The following TET3 variants were observed in gnomAD, a reference collection of about 807,000 sequenced individuals.
TET3 encodes the protein methylcytosine dioxygenase TET3.
TET3 carries 19 observed loss-of-function variants against 141.4 expected under a neutral mutation model. That is an observed-to-expected ratio of 0.13 (90% CI 0.09 to 0.20). The LOEUF (loss-of-function observed/expected upper bound fraction) is 0.20. TET3 is among the 10% of genes least tolerant of loss of function. The probability of loss-of-function intolerance (pLI) is 1.00; values close to 1 mark genes in which losing one functional copy is unlikely to be tolerated. For synonymous variants in TET3, 1,043 were observed against 980.9 expected, an observed-to-expected ratio of 1.06 and a Z score of -1.18; for missense variants, 1,874 against 2,356.9, an observed-to-expected ratio of 0.80 and a Z score of 4.24.
the TET3 span, among the ~76,000 whole-genome samples, chr2:74,116,790 C>T: frequency 2.0e-5 from 3 of 151,136 alleles, no homozygotes; most frequent in Non-Finnish European, 4.4e-5. Flanking sequence ...TTAAAAAGAG[C>T]ATCTTGCCAG....
At chr2:74,010,751 CTCAT>C (rs1460095957) in intron 3 of TET3, among the ~76,000 whole-genome samples, 1 of 152,184 alleles carries the variant, frequency 6.6e-6, no homozygotes, top group Non-Finnish European at 1.5e-5. Flanking sequence ...GAAATTTTTT[CTCAT>C]TCACTGATAA....
chr2:74,089,761 T>A lies in TET3; in HGVS notation c.2889-136T>A, dbSNP rs1573897289. 4 of 1,159,352 alleles carry A rather than the reference T, an allele frequency of 3.5e-6. No homozygotes were observed. In the East Asian group the frequency reaches 9.6e-5, roughly 28 times the overall value. 71.8% of individuals were successfully genotyped at this position (1,159,352 alleles called of 1,614,324 possible). On this transcript the variant is annotated intron_variant, in intron 7 of 11. Transcript: ENST00000409262. ...GGAAACTTGAGAAAGGGGTTGGGGG[T>A]GGGGAAGGATGAGTCTCAGTCACTG...
intron 3 of TET3, among the ~76,000 whole-genome samples, chr2:74,016,921 C>T (rs1685758516): frequency 6.6e-6 from 1 of 151,736 alleles, no homozygotes; most frequent in Non-Finnish European, 1.5e-5. Flanking sequence ...TATCCATCAC[C>T]TCAAACATTT....
intron 6 of TET3, among the ~76,000 whole-genome samples, chr2:74,080,848 G>A (rs995916570): frequency 5.3e-5 from 8 of 152,274 alleles, no homozygotes; most frequent in African/African-American, 1.9e-4. Context: ...CCCGAGTCTT[G>A]GGTCAGCCTT....
intron 2 of TET3, among the ~76,000 whole-genome samples, chr2:73,991,400 A>G (rs1243523642): frequency 6.6e-6 from 1 of 151,860 alleles, no homozygotes; most frequent in Non-Finnish European, 1.5e-5. Flanking sequence ...CCTGACCAAC[A>G]TGGAGAAACC....
rs151305758 is a variant in TET3, at chr2:74,045,594, CTT to C, written c.361-682_361-681del. On this transcript the variant is annotated intron_variant, in intron 3 of 11. Transcript: ENST00000409262. ...CTTCTCTAAGCAGCAACTTGCTTGT[CTT>C]TGGCAGGACTGACCTGGCATGGGGC... 9.5e-4 allele frequency among the ~76,000 whole-genome samples: 145 copies of C among 152,320 alleles called. 2 individuals are homozygous for C. The East Asian group carries it at 0.025, about 27-fold the overall frequency.
chr2:74,104,784 C>G lies in TET3; in HGVS notation c.*2608C>G. ...AATACAAGCTAAAAGCATGCGACGT[C>G]TGTCCCCCAGCCCAAACAGCCTTGG... On this transcript the variant is annotated 3_prime_UTR_variant, in exon 12 of 12. Coordinates refer to ENST00000409262, the MANE Select transcript of TET3 (RefSeq NM_001287491.2). 5.5e-6 allele frequency: 1 copy of G among 180,652 alleles called. No homozygotes were observed. 11.2% of individuals were successfully genotyped at this position (180,652 alleles called of 1,614,324 possible).
chr2:74,066,875 G>T (rs776085728), intron 4 of TET3, among the ~76,000 whole-genome samples: 10 of 152,166 alleles, frequency 6.6e-5, no homozygotes, highest in Non-Finnish European at 1.3e-4. Context: ...TAGGGCAGAA[G>T]GTGGTCACCA....
At chr2:74,000,174 G>A (rs890426662) in intron 2 of TET3, among the ~76,000 whole-genome samples, 1 of 152,164 alleles carries the variant, frequency 6.6e-6, no homozygotes, top group African/African-American at 2.4e-5. Context: ...CCAGGACAGC[G>A]GGTGTCTCTC....
chr2:74,094,192 C>T (rs183598100), intron 10 of TET3, among the ~76,000 whole-genome samples: 42 of 152,240 alleles, frequency 2.8e-4, no homozygotes, highest in African/African-American at 9.9e-4. Context: ...TGAGAGGCTG[C>T]TCTGAGGAGG....
At chr2:74,092,368 G>A (rs1456816114) in intron 8 of TET3, among the ~76,000 whole-genome samples, 2 of 152,036 alleles carry the variant, frequency 1.3e-5, no homozygotes, top group African/African-American at 4.8e-5. Context: ...ATAACATTAC[G>A]TAGTACGAGT....
In TET3 at chr2:74,007,996, A is replaced by C. The variant is rs542050809; in HGVS notation, c.360+4830A>C. On this transcript the variant is annotated intron_variant, in intron 3 of 11. Coordinates refer to ENST00000409262, the MANE Select transcript of TET3 (RefSeq NM_001287491.2). Reference sequence around the variant, plus strand: ...GATGTCATGGTAGCTTTAAATTGCTATAAAGGTTCCTAAAGGCTTCCTCTT... The same window carrying C: ...GATGTCATGGTAGCTTTAAATTGCTCTAAAGGTTCCTAAAGGCTTCCTCTT... 2.0e-5 allele frequency among the ~76,000 whole-genome samples: 3 copies of C among 152,304 alleles called. No individual in the cohort carries two copies. The East Asian group carries it at 5.8e-4, about 29-fold the overall frequency.
Position 73,986,258 on chromosome 2 carries a change from C to T in TET3, c.-146C>T. 1.6e-6 allele frequency: 1 copy of T among 618,082 alleles called. No homozygotes were observed. The highest frequency in any genetic ancestry group is 2.3e-6 in the Non-Finnish European group (1 of 427,948). The allele number at this position is 618,082 out of a possible 1,614,324, so 38.3% of individuals were successfully genotyped here. ...GTGAAGAGGGGTTGAGAAGAGGCAT[C>T]CATCCACGAGACTGAAGCCACTTGC... is the stretch of plus-strand genomic sequence containing the variant. On this transcript the variant is annotated 5_prime_UTR_variant, in exon 2 of 12. Transcript: ENST00000409262.
chr2:74,052,878 A>G (rs1245492202), intron 4 of TET3, among the ~76,000 whole-genome samples: 1 of 152,174 alleles, frequency 6.6e-6, no homozygotes, highest in African/African-American at 2.4e-5. Context: ...TCAAAAAACA[A>G]AACAAAACAA....
intron 4 of TET3, among the ~76,000 whole-genome samples, chr2:74,058,279 G>A (rs1213359396): frequency 6.6e-6 from 1 of 152,214 alleles, no homozygotes; most frequent in Non-Finnish European, 1.5e-5. Context: ...GGAAGCAGAA[G>A]AGAGGGACAG....
intron 4 of TET3, among the ~76,000 whole-genome samples, chr2:74,061,559 T>C (rs1348517683): frequency 4.6e-5 from 6 of 130,070 alleles, no homozygotes; most frequent in Admixed American, 7.5e-5. Flanking sequence ...GAGGCGCCCC[T>C]CACCTCCCGG....
chr2:74,025,915 GC>G (rs1310700268), intron 3 of TET3, among the ~76,000 whole-genome samples: 1 of 152,038 alleles, frequency 6.6e-6, no homozygotes, highest in Non-Finnish European at 1.5e-5. Context: ...AGCAGCTTGG[GC>G]GACAGAGTGA....
intron 3 of TET3, among the ~76,000 whole-genome samples, chr2:74,033,524 A>G (rs1218321963): frequency 1.3e-5 from 2 of 152,210 alleles, no homozygotes; most frequent in African/African-American, 4.8e-5. Flanking sequence ...AGTTGTGTAC[A>G]TCTACTGATT....
At chr2:74,121,782 G>C in the TET3 span, 1 of 152,240 alleles carries the variant, frequency 6.6e-6, no homozygotes, top group African/African-American at 2.4e-5. Context: ...TGGATCAGTC[G>C]AGGTCAGGAG....
Sources: gnomAD v4.1 joint callset for allele counts (sites outside exome capture counted in the v4.1 genomes callset) on GRCh38, gnomAD v4.1.1 for gene constraint, MANE v1.5 for transcripts, NCBI Gene and HGNC (gene_info 2026-07-23, HGNC 2026-07-21) for gene names.